The following FAM107B variants were observed in gnomAD, a reference collection of about 807,000 sequenced individuals.
The protein encoded by FAM107B is protein FAM107B.
Under a neutral mutation model 31.5 loss-of-function variants are expected in FAM107B, and 21 were observed. The ratio of observed to expected loss-of-function variants is 0.67; its 90% CI spans 0.47 to 0.96. The LOEUF is 0.96. Ranked by LOEUF, FAM107B falls within the 40% of genes least tolerant of loss-of-function variation. The probability of loss-of-function intolerance (pLI) is 0.00; values close to 1 mark genes in which losing one functional copy is unlikely to be tolerated. For synonymous variants in FAM107B, 157 were observed against 141.5 expected (o/e 1.11, Z -0.78); for missense variants, 452 against 377.1 (o/e 1.20, Z -1.64).
At chr10:14,656,986 C>T (rs1015201303) in intron 2 of FAM107B, among the ~76,000 whole-genome samples, 1 of 152,194 alleles carries the variant, frequency 6.6e-6, no homozygotes, top group African/African-American at 2.4e-5. Context: ...GTCCCATGGG[C>T]ATGTGAGCAC....
chr10:14,593,422 C>T (rs1023050526), intron 2 of FAM107B, among the ~76,000 whole-genome samples: 3 of 151,982 alleles, frequency 2.0e-5, no homozygotes, highest in Non-Finnish European at 2.9e-5. Context: ...GCTGGCCGGG[C>T]GCAGTGGCAC....
chr10:14,551,865 C>G (rs775639613), intron 2 of FAM107B, among the ~76,000 whole-genome samples: 1 of 152,188 alleles, frequency 6.6e-6, no homozygotes, highest in Non-Finnish European at 1.5e-5. Context: ...CCCAGTTCTC[C>G]CCCAAAAAGG....
intron 2 of FAM107B, among the ~76,000 whole-genome samples, chr10:14,593,898 T>C (rs1204614268): frequency 1.3e-5 from 2 of 152,148 alleles, no homozygotes; most frequent in East Asian, 1.9e-4. Flanking sequence ...CGTTTAGATA[T>C]AGAACTGTTC....
At chr10:14,726,990 T>C (rs998644342) in intron 1 of FAM107B, among the ~76,000 whole-genome samples, 2 of 151,772 alleles carry the variant, frequency 1.3e-5, no homozygotes, top group African/African-American at 2.4e-5. Flanking sequence ...ATGGTCCCAT[T>C]TGGGGGTGAT....
chr10:14,579,315 A>G (rs1167122461), intron 2 of FAM107B, among the ~76,000 whole-genome samples: 2 of 152,260 alleles, frequency 1.3e-5, no homozygotes, highest in African/African-American at 4.8e-5. Context: ...CAATGAATGA[A>G]AACAAACTAA....
At chr10:14,625,399 C>T (rs1247251893) in intron 2 of FAM107B, among the ~76,000 whole-genome samples, 5 of 151,926 alleles carry the variant, frequency 3.3e-5, no homozygotes, top group Non-Finnish European at 7.4e-5. Context: ...TCATCTAGTC[C>T]CAAACACCTC....
chr10:14,542,901 G>C (rs907654962), intron 2 of FAM107B, among the ~76,000 whole-genome samples: 6 of 152,188 alleles, frequency 3.9e-5, no homozygotes, highest in African/African-American at 1.4e-4. Context: ...TAGTACACTG[G>C]CTTGCATAAA....
Position 14,520,019 on chromosome 10 carries a change from T to C in FAM107B, c.*1171A>G, listed in dbSNP as rs1454717616. On this transcript the variant is annotated 3_prime_UTR_variant, in exon 5 of 5. Coordinates refer to ENST00000181796, the MANE Select transcript of FAM107B (RefSeq NM_031453.4). ...CTTCCCATCAGCTGTTCCTGAGAGA[T>C]GCAATATAGTAGTCATCGACATCAT... 1 of 152,588 alleles carries C rather than the reference T, an allele frequency of 6.6e-6. No homozygotes were observed. Among genetic ancestry groups the C allele is most frequent in the African/African-American group, 2.4e-5 (1 of 41,418 alleles). The allele number at this position is 152,588 out of a possible 1,614,324, so 9.5% of individuals were successfully genotyped here. A position where few individuals can be genotyped will look rare whatever the true frequency, so the allele number is the denominator to read the frequency against.
chr10:14,590,989 C>CAAAAAAA (rs35000609), intron 2 of FAM107B, among the ~76,000 whole-genome samples: 1 of 67,020 alleles, frequency 1.5e-5, no homozygotes, highest in Non-Finnish European at 2.8e-5. Context: ...AACTCCATCT[C>CAAAAAAA]AAAAAAAAAA....
rs146953934 is a variant in FAM107B, at chr10:14,570,539, C to T, written c.470-40024G>A. On this transcript the variant is annotated intron_variant, in intron 2 of 4. Transcript: ENST00000181796. ...ATTAAAGGCCAGGCACAGTGGCTGA[C>T]GCCTATAATCCCAGCACTTTGGGAG... 3.4e-3 allele frequency among the ~76,000 whole-genome samples: 525 copies of T among 152,312 alleles called. 5 individuals carry two copies. The highest frequency in any genetic ancestry group is 0.012 in the African/African-American group (485 of 41,568).
intron 2 of FAM107B, chr10:14,612,680 A>T (rs918032780): frequency 3.9e-5 from 6 of 152,252 alleles, no homozygotes; most frequent in African/African-American, 1.4e-4. Flanking sequence ...AAATAAAGAA[A>T]TACAAAGATA....
intron 1 of FAM107B, among the ~76,000 whole-genome samples, chr10:14,755,167 A>G (rs1385093444): frequency 1.3e-5 from 2 of 152,240 alleles, no homozygotes; most frequent in African/African-American, 4.8e-5. Flanking sequence ...TCTGTGGAGT[A>G]TTTAACACCA....
intron 1 of FAM107B, among the ~76,000 whole-genome samples, chr10:14,762,722 C>T (rs2131592539): frequency 6.7e-6 from 1 of 148,198 alleles, no homozygotes; most frequent in South Asian, 2.1e-4. Context: ...TGCCACTGCA[C>T]TACAGCCTGG....
intron 1 of FAM107B, among the ~76,000 whole-genome samples, chr10:14,716,688 T>C (rs567050219): frequency 6.6e-6 from 1 of 152,286 alleles, no homozygotes; most frequent in Non-Finnish European, 1.5e-5. Context: ...GATCACAGGT[T>C]TGAATCTTGG....
chr10:14,746,395 T>G (rs1315481053), intron 1 of FAM107B, among the ~76,000 whole-genome samples: 1 of 152,210 alleles, frequency 6.6e-6, no homozygotes, highest in African/African-American at 2.4e-5. Flanking sequence ...GTGTCACTGT[T>G]CTTTGTATTT....
intron 1 of FAM107B, among the ~76,000 whole-genome samples, chr10:14,751,736 C>T (rs1321653455): frequency 1.3e-5 from 2 of 152,084 alleles, no homozygotes; most frequent in African/African-American, 2.4e-5. Flanking sequence ...ATCGACCCTA[C>T]ACAGCTGCTT....
At chr10:14,773,902 G>A (rs953695488) in intron 1 of FAM107B, among the ~76,000 whole-genome samples, 3 of 151,972 alleles carry the variant, frequency 2.0e-5, no homozygotes, top group African/African-American at 7.3e-5. Flanking sequence ...AGACCGGTGG[G>A]GGTGGAGGGG....
intron 1 of FAM107B, among the ~76,000 whole-genome samples, chr10:14,772,023 T>A (rs953748735): frequency 5.9e-5 from 9 of 152,144 alleles, no homozygotes; most frequent in African/African-American, 2.2e-4. Flanking sequence ...CTTACCCTCT[T>A]TAAGCATCCA....
At chr10:14,714,933 T>G (rs566339932) in intron 1 of FAM107B, among the ~76,000 whole-genome samples, 1 of 152,298 alleles carries the variant, frequency 6.6e-6, no homozygotes, top group Non-Finnish European at 1.5e-5. Context: ...TAGAGGACTC[T>G]TCTTCACAGA....
Sources: allele counts gnomAD v4.1 joint callset (sites outside exome capture counted in the v4.1 genomes callset), GRCh38; gene constraint gnomAD v4.1.1; transcripts MANE v1.5; gene names NCBI Gene and HGNC (gene_info 2026-07-23, HGNC 2026-07-21).